TAFA2: variants seen among roughly 807,000 people sequenced by gnomAD.
The protein encoded by TAFA2 is chemokine-like protein TAFA-2.
A neutral mutation model predicts 18.8 loss-of-function variants in TAFA2; 7 were observed. The observed-to-expected ratio is 0.37, with a 90% CI of 0.21 to 0.70. TAFA2 has a LOEUF of 0.70. Ranked by LOEUF, TAFA2 falls within the 30% of genes least tolerant of loss-of-function variation. The pLI is 0.53. For synonymous variants in TAFA2, 60 were observed against 54.2 expected, an observed-to-expected ratio of 1.11 and a Z score of -0.47; for missense variants, 122 against 158.1, an observed-to-expected ratio of 0.77 and a Z score of 1.23.
At chr12:61,808,547 G>C (rs1871725671) in intron 2 of TAFA2, among the ~76,000 whole-genome samples, 1 of 151,326 alleles carries the variant, frequency 6.6e-6, no homozygotes, top group Non-Finnish European at 1.5e-5. Context: ...ATTTAGATAA[G>C]CTGATGAGCA....
chr12:62,235,587 A>T (rs2062833341), intron 1 of TAFA2: 1 of 309,048 alleles, frequency 3.2e-6, no homozygotes, highest in Non-Finnish European at 6.1e-6. Flanking sequence ...GCAGGTGGTT[A>T]TCGGGACATT....
At chr12:61,795,604 A>T (rs866993805) in intron 2 of TAFA2, among the ~76,000 whole-genome samples, 7 of 152,028 alleles carry the variant, frequency 4.6e-5, no homozygotes, top group Non-Finnish European at 7.4e-5. Context: ...GAGGCATAGC[A>T]TTGGGAGATA....
intron 1 of TAFA2, among the ~76,000 whole-genome samples, chr12:62,227,939 G>C (rs1194220631): frequency 6.6e-6 from 1 of 151,888 alleles, no homozygotes; most frequent in East Asian, 1.9e-4. Flanking sequence ...TTTATTTCTT[G>C]ATTCTCTCTT....
chr12:62,243,832 G>A (rs1284129608), intron 1 of TAFA2, among the ~76,000 whole-genome samples: 2 of 152,140 alleles, frequency 1.3e-5, no homozygotes, highest in African/African-American at 2.4e-5. Context: ...CCAGACTGAA[G>A]GGCAGTGGTA....
chr12:62,107,148 C>G (rs953913943), intron 1 of TAFA2, among the ~76,000 whole-genome samples: 1 of 152,200 alleles, frequency 6.6e-6, no homozygotes, highest in Non-Finnish European at 1.5e-5. Flanking sequence ...AGGTCATTCT[C>G]TACTTCAGAC....
intron 1 of TAFA2, among the ~76,000 whole-genome samples, chr12:61,995,071 T>C (rs1240972031): frequency 1.3e-5 from 2 of 152,216 alleles, no homozygotes; most frequent in Non-Finnish European, 2.9e-5. Flanking sequence ...CACTTCTGTC[T>C]ACTGTGTCAT....
chr12:62,247,167 ACT>A lies in TAFA2; in HGVS notation c.-130+11594_-130+11595del, dbSNP rs1406636341. On this transcript the variant is annotated intron_variant, in intron 1 of 5. Transcript: ENST00000551619. ...CCTTCTACTCTTTTGAAAGTTTTTA[ACT>A]CTTTTTTTAATCAGTGACCCTTAAA... Among the ~76,000 whole-genome samples, 7 of 150,730 alleles carry A rather than the reference ACT, an allele frequency of 4.6e-5. No homozygotes were observed. The Middle Eastern group carries it at 0.01, about 221-fold the overall frequency.
intron 1 of TAFA2, among the ~76,000 whole-genome samples, chr12:62,175,989 A>G (rs1215223697): frequency 6.6e-6 from 1 of 152,114 alleles, no homozygotes; most frequent in Non-Finnish European, 1.5e-5. Flanking sequence ...AAAAGAAAAT[A>G]CAACATAGGT....
At chr12:61,838,789 AT>A (rs1435443661) in intron 2 of TAFA2, among the ~76,000 whole-genome samples, 4 of 152,096 alleles carry the variant, frequency 2.6e-5, no homozygotes, top group African/African-American at 7.2e-5. Context: ...AGAAGAAAGA[AT>A]AAACATTTGA....
intron 1 of TAFA2, among the ~76,000 whole-genome samples, chr12:61,870,232 A>T: frequency 6.6e-6 from 1 of 152,160 alleles, no homozygotes; most frequent in South Asian, 2.1e-4. Flanking sequence ...CTACCTCCAG[A>T]ATATCTCTCA....
At chr12:61,747,153 G>A (rs915459972) in intron 4 of TAFA2, among the ~76,000 whole-genome samples, 8 of 152,152 alleles carry the variant, frequency 5.3e-5, no homozygotes, top group Non-Finnish European at 1.0e-4. Context: ...TGCAAATCAA[G>A]ACCACAATGA....
chr12:62,044,155 A>AT (rs199977760), intron 1 of TAFA2, among the ~76,000 whole-genome samples: 8 of 152,052 alleles, frequency 5.3e-5, no homozygotes. Flanking sequence ...AAAAAAAAAA[A>AT]GTATTTTTTT....
At chr12:62,030,838 C>A (rs1881438126) in intron 1 of TAFA2, among the ~76,000 whole-genome samples, 1 of 152,026 alleles carries the variant, frequency 6.6e-6, no homozygotes, top group African/African-American at 2.4e-5. Flanking sequence ...TCAATAAATT[C>A]AAAGCAAATG....
At chr12:61,741,189 AT>A in intron 4 of TAFA2, among the ~76,000 whole-genome samples, 1 of 152,008 alleles carries the variant, frequency 6.6e-6, no homozygotes, top group African/African-American at 2.4e-5. Flanking sequence ...ATTATTTTCA[AT>A]TTAATTAGAG....
chr12:62,160,581 C>T (rs1171980819), intron 1 of TAFA2, among the ~76,000 whole-genome samples: 1 of 152,152 alleles, frequency 6.6e-6, no homozygotes, highest in Non-Finnish European at 1.5e-5. Flanking sequence ...TTGTGTTTTG[C>T]CTGCCATCCA....
intron 2 of TAFA2, among the ~76,000 whole-genome samples, chr12:61,819,679 T>G (rs1369165848): frequency 6.6e-6 from 1 of 152,160 alleles, no homozygotes; most frequent in Admixed American, 6.6e-5. Flanking sequence ...AAAATTCCAC[T>G]GCATCCAGAT....
intron 2 of TAFA2, among the ~76,000 whole-genome samples, chr12:61,758,146 G>C (rs370999262): frequency 6.6e-6 from 1 of 152,016 alleles, no homozygotes. Flanking sequence ...CATGTTAGTG[G>C]CATGAAAAAA....
At chr12:62,016,759 A>C (rs994972223) in intron 1 of TAFA2, among the ~76,000 whole-genome samples, 4 of 151,376 alleles carry the variant, frequency 2.6e-5, no homozygotes, top group African/African-American at 4.9e-5. Flanking sequence ...CAAACTGTCA[A>C]CAACATTTAT....
At chr12:62,061,405 G>A (rs1359832627) in intron 1 of TAFA2, among the ~76,000 whole-genome samples, 4 of 152,348 alleles carry the variant, frequency 2.6e-5, no homozygotes, top group African/African-American at 9.6e-5. Context: ...AGGAGCAACA[G>A]ACTATACCAT....
Sources: gnomAD v4.1 joint callset for allele counts (sites outside exome capture counted in the v4.1 genomes callset) on GRCh38, gnomAD v4.1.1 for gene constraint, MANE v1.5 for transcripts, NCBI Gene and HGNC (gene_info 2026-07-23, HGNC 2026-07-21) for gene names.